Variants in FRMD4A observed in about 807,000 individuals in gnomAD.
FRMD4A encodes the protein FERM domain containing 4A.
FRMD4A carries 29 observed loss-of-function variants against 129.1 expected under a neutral mutation model. The observed-to-expected ratio is 0.22, with a 90% CI of 0.17 to 0.31. The LOEUF (loss-of-function observed/expected upper bound fraction) is 0.31. Among genes scored for constraint, FRMD4A ranks in the 10% least tolerant of loss-of-function variants. The pLI, the probability that FRMD4A is intolerant of heterozygous loss-of-function variation, is 1.00. For missense variants in FRMD4A, 1,272 were observed against 1,375.8 expected, an observed-to-expected ratio of 0.92 and a Z score of 1.19; for synonymous variants, 634 against 571.6, an observed-to-expected ratio of 1.11 and a Z score of -1.56.
At chr10:14,153,741 G>A (rs955485689) in intron 2 of FRMD4A, among the ~76,000 whole-genome samples, 7 of 152,192 alleles carry the variant, frequency 4.6e-5, no homozygotes, top group African/African-American at 1.7e-4. Context: ...AGGTTCTCTG[G>A]CCAATCGCCT....
intron 2 of FRMD4A, among the ~76,000 whole-genome samples, chr10:14,325,091 G>T (rs1315948553): frequency 6.6e-6 from 1 of 152,210 alleles, no homozygotes; most frequent in Admixed American, 6.5e-5. Flanking sequence ...GACATCCGGT[G>T]GGACAACATC....
intron 2 of FRMD4A, among the ~76,000 whole-genome samples, chr10:14,226,063 C>T (rs1843424642): frequency 6.6e-6 from 1 of 152,170 alleles, no homozygotes; most frequent in Admixed American, 6.5e-5. Flanking sequence ...AAGTGTCCAA[C>T]ATCAAAGTTA....
chr10:13,679,474 T>TATATATATACACACAC (rs1308155926), intron 15 of FRMD4A, among the ~76,000 whole-genome samples: 13 of 31,490 alleles, frequency 4.1e-4, no homozygotes, highest in Non-Finnish European at 5.7e-4. Context: ...TATATATATA[T>TATATATATACACACAC]ACACACACAC....
chr10:13,733,828 G>C (rs1057369659), intron 12 of FRMD4A, among the ~76,000 whole-genome samples: 1 of 152,216 alleles, frequency 6.6e-6, no homozygotes, highest in African/African-American at 2.4e-5. Flanking sequence ...AGCTGCCTCT[G>C]CATCTCACCG....
chr10:14,143,560 AT>A (rs527679431), intron 2 of FRMD4A, among the ~76,000 whole-genome samples: 140 of 152,378 alleles, frequency 9.2e-4, no homozygotes, highest in African/African-American at 3.0e-3. Context: ...ATGCGAATGT[AT>A]TTAATGCCAC....
intron 2 of FRMD4A, among the ~76,000 whole-genome samples, chr10:14,005,097 A>T (rs2095657241): frequency 6.6e-6 from 1 of 151,116 alleles, no homozygotes; most frequent in Non-Finnish European, 1.5e-5. Context: ...ATCTTGGCTC[A>T]CAGCAACCTC....
At chr10:14,134,747 A>T (rs537271231) in intron 2 of FRMD4A, among the ~76,000 whole-genome samples, 4 of 152,254 alleles carry the variant, frequency 2.6e-5, no homozygotes, top group African/African-American at 9.6e-5. Context: ...GGGTGAGTGG[A>T]TGGATAGAAA....
At chr10:13,705,818 G>C (rs1230232632) in intron 13 of FRMD4A, among the ~76,000 whole-genome samples, 1 of 152,218 alleles carries the variant, frequency 6.6e-6, no homozygotes, top group African/African-American at 2.4e-5. Flanking sequence ...TGGAGATGCA[G>C]AAACTCTCAG....
intron 2 of FRMD4A, among the ~76,000 whole-genome samples, chr10:14,011,168 T>C (rs1415765428): frequency 6.6e-6 from 1 of 152,106 alleles, no homozygotes; most frequent in Non-Finnish European, 1.5e-5. Flanking sequence ...AGTTTGGAAA[T>C]CCCAAAGGAA....
At chr10:13,767,422 G>A (rs1050819552) in intron 6 of FRMD4A, among the ~76,000 whole-genome samples, 1 of 151,994 alleles carries the variant, frequency 6.6e-6, no homozygotes, top group Non-Finnish European at 1.5e-5. Flanking sequence ...TATTTTTAGT[G>A]GAAGCAGGGT....
chr10:14,225,621 C>T (rs1381835580), intron 2 of FRMD4A, among the ~76,000 whole-genome samples: 2 of 152,204 alleles, frequency 1.3e-5, no homozygotes, highest in Non-Finnish European at 2.9e-5. Flanking sequence ...AATCCCCTCC[C>T]GATTGTGAGG....
intron 6 of FRMD4A, among the ~76,000 whole-genome samples, chr10:13,774,383 C>G (rs1659673602): frequency 6.6e-6 from 1 of 152,140 alleles, no homozygotes; most frequent in African/African-American, 2.4e-5. Flanking sequence ...AAGCCAAACA[C>G]CTTTCCTCGC....
rs532371149 is a variant in FRMD4A, at chr10:14,214,294, A to G, written c.45+115764T>C. Among the ~76,000 whole-genome samples, 229 of 152,302 alleles carry G rather than the reference A, an allele frequency of 1.5e-3. 1 individual carries two copies. The highest frequency in any genetic ancestry group is 5.3e-3 in the African/African-American group (220 of 41,558). ...CTCTACCTGGAGGCCCTGAACACAG[A>G]TCTTCAAACCCCAACCCACATCCCA... On this transcript the variant is annotated intron_variant, in intron 2 of 24. Coordinates refer to ENST00000357447, the MANE Select transcript of FRMD4A (RefSeq NM_018027.5).
Position 13,737,862 on chromosome 10 carries a change from A to G in FRMD4A, c.741T>C (p.Asp247=), listed in dbSNP as rs1285480977. The change falls in exon 12 of 25, where the codon GAT becomes GAC. Residue 247 remains aspartate, a synonymous_variant. Coordinates refer to ENST00000357447, the MANE Select transcript of FRMD4A (RefSeq NM_018027.5). ...YKGIFQYDYH[D]KVKPRKIFQW... ...GCCTTACCTTTCTTGGCTTCACTTT[A>G]TCATGGTAGTCATACTGGAAGATCC... 1 of 1,597,132 alleles carries G rather than the reference A, an allele frequency of 6.3e-7. No homozygotes were observed. The highest frequency in any genetic ancestry group is 1.3e-5 in the African/African-American group (1 of 74,520).
intron 2 of FRMD4A, among the ~76,000 whole-genome samples, chr10:14,156,592 C>T (rs1343512794): frequency 6.6e-6 from 1 of 152,116 alleles, no homozygotes; most frequent in Non-Finnish European, 1.5e-5. Context: ...ACATGGAGAC[C>T]TCCACTCTAC....
chr10:14,113,945 C>T (rs1221272595), intron 2 of FRMD4A, among the ~76,000 whole-genome samples: 1 of 152,188 alleles, frequency 6.6e-6, no homozygotes, highest in Non-Finnish European at 1.5e-5. Context: ...ACCTCACCCC[C>T]AGCCCATCCT....
At chr10:13,920,280 A>T (rs1462482641) in intron 2 of FRMD4A, among the ~76,000 whole-genome samples, 2 of 152,200 alleles carry the variant, frequency 1.3e-5, no homozygotes, top group Admixed American at 6.5e-5. Flanking sequence ...CTTTGGAGCT[A>T]CTGACTCAAT....
chr10:13,695,457 T>C (rs1040145104), intron 14 of FRMD4A, among the ~76,000 whole-genome samples: 11 of 152,220 alleles, frequency 7.2e-5, no homozygotes, highest in Admixed American at 2.0e-4. Flanking sequence ...GTGGTTTTTA[T>C]AAGGTATCTG....
chr10:13,689,198 CGGGGGGGGGG>C (rs61670615), intron 15 of FRMD4A, among the ~76,000 whole-genome samples: 9 of 68,020 alleles, frequency 1.3e-4, no homozygotes, highest in African/African-American at 1.8e-4. Flanking sequence ...AAACTCTTTG[CGGGGGGGGGG>C]GGGGGGGGGG....
Sources: allele counts gnomAD v4.1 joint callset (sites outside exome capture counted in the v4.1 genomes callset), GRCh38; gene constraint gnomAD v4.1.1; transcripts MANE v1.5; gene names NCBI Gene and HGNC (gene_info 2026-07-23, HGNC 2026-07-21).